Variants in USP7 observed in about 807,000 individuals in gnomAD.
USP7 encodes the protein ubiquitin C-terminal hydrolase 7.
In USP7, 9 loss-of-function variants were observed where a neutral mutation model predicts 162.9. The ratio of observed to expected loss-of-function variants is 0.06; its 90% CI spans 0.03 to 0.10. The LOEUF is 0.10. USP7 is among the 10% of genes least tolerant of loss of function. USP7 has a pLI of 1.00. For synonymous variants in USP7, 562 were observed against 475.9 expected, an observed-to-expected ratio of 1.18 and a Z score of -2.35; for missense variants, 715 against 1,373.7, an observed-to-expected ratio of 0.52 and a Z score of 7.58.
intron 1 of USP7, among the ~76,000 whole-genome samples, chr16:8,953,368 T>C (rs1215051246): frequency 6.6e-6 from 1 of 152,072 alleles, no homozygotes; most frequent in Non-Finnish European, 1.5e-5. Flanking sequence ...AGATGTTTGA[T>C]GAATGAAAGC....
chr16:8,957,090 T>C (rs76161145), intron 1 of USP7, among the ~76,000 whole-genome samples: 7,108 of 152,264 alleles, frequency 0.047, 226 homozygotes, highest in Middle Eastern at 0.15. Flanking sequence ...ACGTACTAAT[T>C]ACTGTTTCCA....
intron 18 of USP7, 173 bp downstream of exon 18, chr16:8,901,909 C>G (rs748305290): frequency 1.6e-6 from 1 of 627,198 alleles, no homozygotes; most frequent in Non-Finnish European, 2.7e-6. Flanking sequence ...ACAGGAAACT[C>G]GCAGCCAAGT....
Position 8,908,426 on chromosome 16 carries a change from G to C in USP7, c.1186C>G (p.Leu396Val), listed in dbSNP as rs755998936. Residue 396 changes from leucine to valine, a missense_variant, in exon 12 of 31, where the codon CTA (leucine) becomes GTA (valine). Transcript: ENST00000344836. ...AGATGTAACACTGGTGGCAATGTTAGGAATTTCACACCTTTCTCTGCTTCC... is the reference window on the plus strand; with the variant it reads ...AGATGTAACACTGGTGGCAATGTTACGAATTTCACACCTTTCTCTGCTTCC... ...LQEAEKGVKF[L>V]TLPPVLHLQL... The C allele has an allele frequency of 1.2e-6, 2 of 1,612,542 alleles. No homozygotes were observed. The highest frequency in any genetic ancestry group is 2.2e-5 in the East Asian group (1 of 44,804).
chr16:8,926,989 A>C (rs1384015887), intron 2 of USP7, among the ~76,000 whole-genome samples: 6 of 152,184 alleles, frequency 3.9e-5, no homozygotes. Context: ...CCCAGGGCAA[A>C]GGCCAATAGA....
At chr16:8,937,998 G>A (rs1204912551) in intron 1 of USP7, among the ~76,000 whole-genome samples, 1 of 151,932 alleles carries the variant, frequency 6.6e-6, no homozygotes, top group Non-Finnish European at 1.5e-5. Flanking sequence ...TATGTGCCAG[G>A]CCTTGTACAA....
intron 1 of USP7, 75 bp from the exon 2 acceptor site, chr16:8,930,472 A>G (rs113637481): frequency 2.9e-6 from 3 of 1,030,158 alleles, no homozygotes; most frequent in Non-Finnish European, 4.2e-6. Flanking sequence ...ATAAACTTAT[A>G]CTTTTGATGT....
In USP7 at chr16:8,893,890, C is replaced by T. The variant is rs759258864; in HGVS notation, c.*108G>A. The T allele has an allele frequency of 5.0e-5, 48 of 955,280 alleles. No individual in the cohort carries two copies. The highest frequency in any genetic ancestry group is 7.5e-5 in the Admixed American group (4 of 53,636). 59.2% of individuals were successfully genotyped at this position (955,280 alleles called of 1,614,324 possible). A position where few individuals can be genotyped will look rare whatever the true frequency, so the allele number is the denominator to read the frequency against. Reference sequence around the variant, plus strand: ...AATAAAATAAAATTAACACCAGCAGCGAATCCTCTTGCTGAAGACTTCGGC... The same window carrying T: ...AATAAAATAAAATTAACACCAGCAGTGAATCCTCTTGCTGAAGACTTCGGC... On this transcript the variant is annotated 3_prime_UTR_variant, in exon 31 of 31. Transcript: ENST00000344836.
At chr16:8,903,474 A>C in intron 15 of USP7, 72 bp from the exon 16 acceptor site, 4 of 1,476,446 alleles carry the variant, frequency 2.7e-6, no homozygotes. Context: ...GAACACATTT[A>C]AACACTAAAA....
Position 8,892,606 on chromosome 16 carries a change from T to TAA in USP7, c.*1390_*1391dup, listed in dbSNP as rs55937310. The TAA allele has an allele frequency of 9.2e-5, 11 of 119,964 alleles. No individual in the cohort carries two copies. The highest frequency in any genetic ancestry group is 2.2e-4 in the African/African-American group (7 of 32,168). The allele number at this position is 119,964 out of a possible 1,614,324, so 7.4% of individuals were successfully genotyped here. On this transcript the variant is annotated 3_prime_UTR_variant, in exon 31 of 31. Transcript: ENST00000344836. ...AGAGTAAATGTGACTAGTTAGAGGC[T>TAA]AAAAAAAAAAAAAAAAAAAAAAAGA...
intron 2 of USP7, among the ~76,000 whole-genome samples, chr16:8,924,088 G>A (rs993301008): frequency 6.6e-6 from 1 of 152,156 alleles, no homozygotes; most frequent in African/African-American, 2.4e-5. Context: ...GCTGATTTAA[G>A]ATATTTAAGT....
intron 26 of USP7, among the ~76,000 whole-genome samples, chr16:8,896,440 C>A (rs1407127471): frequency 6.6e-6 from 1 of 152,114 alleles, no homozygotes; most frequent in Admixed American, 6.5e-5. Flanking sequence ...AGTTTGGGAA[C>A]CAAATGGCTC....
chr16:8,918,900 G>A, intron 6 of USP7, 131 bp downstream of exon 6: 1 of 858,100 alleles, frequency 1.2e-6, no homozygotes, highest in Admixed American at 1.9e-5. Context: ...AACGCAGCAT[G>A]AACTAGCAGC....
At chr16:8,950,582 T>C (rs1209935119) in intron 1 of USP7, among the ~76,000 whole-genome samples, 1 of 152,160 alleles carries the variant, frequency 6.6e-6, no homozygotes, top group East Asian at 1.9e-4. Context: ...CAGCAGCACA[T>C]TTCCCACAGG....
intron 1 of USP7, among the ~76,000 whole-genome samples, chr16:8,954,382 C>A (rs1292222245): frequency 1.3e-5 from 2 of 152,214 alleles, no homozygotes; most frequent in Non-Finnish European, 2.9e-5. Context: ...AGTGGGCTCG[C>A]TCATCTCTCT....
intron 1 of USP7, among the ~76,000 whole-genome samples, chr16:8,952,763 A>C (rs530337604): frequency 1.3e-5 from 2 of 152,140 alleles, no homozygotes; most frequent in African/African-American, 2.4e-5. Flanking sequence ...ACAGACCCTA[A>C]ACCTCTAGTC....
chr16:8,931,186 GCATC>G (rs1486630862), intron 1 of USP7, among the ~76,000 whole-genome samples: 1 of 150,286 alleles, frequency 6.7e-6, no homozygotes, highest in Non-Finnish European at 1.5e-5. Context: ...ATGAACACAT[GCATC>G]TTTTTTTTTT....
In USP7 at chr16:8,924,366, C is replaced by T. The variant is rs760090222; in HGVS notation, c.185-953G>A. Among the ~76,000 whole-genome samples the T allele has an allele frequency of 2.6e-5, 4 of 152,254 alleles. No homozygotes were observed. In the South Asian group the frequency reaches 6.2e-4, roughly 24 times the overall value. ...TCAACATGCTACACAAGCTTCTAAA[C>T]GCTTCCTTTCACTTTCTGTACCTAT... On this transcript the variant is annotated intron_variant, in intron 2 of 30. Coordinates refer to ENST00000344836, the MANE Select transcript of USP7 (RefSeq NM_003470.3).
intron 6 of USP7, among the ~76,000 whole-genome samples, chr16:8,918,042 G>A (rs765229568): frequency 6.6e-5 from 10 of 151,924 alleles, no homozygotes; most frequent in Non-Finnish European, 1.2e-4. Flanking sequence ...CGCCCGCCTC[G>A]GCCTCCCAAA....
Position 8,902,065 on chromosome 16 carries a change from G to T in USP7, c.2047+17C>A. ...GCTACTGCTCTAAGTGCAGGCAGGC[G>T]TCTCGTGGGCACTTACGATCTTTAT... On this transcript the variant is annotated intron_variant, in intron 18 of 30. Transcript: ENST00000344836. 1 of 1,604,144 alleles carries T rather than the reference G, an allele frequency of 6.2e-7. No homozygotes were observed. Among genetic ancestry groups the T allele is most frequent in the Non-Finnish European group, 8.5e-7 (1 of 1,171,060 alleles).
Sources: allele counts gnomAD v4.1 joint callset (sites outside exome capture counted in the v4.1 genomes callset), GRCh38; gene constraint gnomAD v4.1.1; transcripts MANE v1.5; gene names NCBI Gene and HGNC (gene_info 2026-07-23, HGNC 2026-07-21).